The following ASIC2 variants were observed in gnomAD, a reference collection of about 807,000 sequenced individuals.
The protein encoded by ASIC2 is acid sensing ion channel subunit 2, also known as acid-sensing ion channel 2.
In ASIC2, 25 loss-of-function variants were observed where a neutral mutation model predicts 57.3. That is an observed-to-expected ratio of 0.44 (90% CI 0.32 to 0.61). The LOEUF (loss-of-function observed/expected upper bound fraction) is 0.61. Among genes scored for constraint, ASIC2 ranks in the 20% least tolerant of loss-of-function variants. The pLI is 0.06. For missense variants in ASIC2, 641 were observed against 738.1 expected, an observed-to-expected ratio of 0.87 and a Z score of 1.52; for synonymous variants, 319 against 307.5, an observed-to-expected ratio of 1.04 and a Z score of -0.39.
chr17:34,151,656 T>C (rs749615749), intron 1 of ASIC2, among the ~76,000 whole-genome samples: 6 of 151,892 alleles, frequency 4.0e-5, no homozygotes, highest in Non-Finnish European at 5.9e-5. Context: ...ATAATGAGAA[T>C]TGAGAATACC....
chr17:33,260,548 G>A lies in ASIC2; in HGVS notation c.708+30860C>T, dbSNP rs185407842. Among the ~76,000 whole-genome samples, 18 of 152,286 alleles carry A rather than the reference G, an allele frequency of 1.2e-4. No homozygotes were observed. In the East Asian group the frequency reaches 2.5e-3, roughly 21 times the overall value. Reference sequence around the variant, plus strand: ...ACCTCCAACGGCCACACTATGGATCGCTGCCGCCAGGGGGGCGGGGAATAC... The same window carrying A: ...ACCTCCAACGGCCACACTATGGATCACTGCCGCCAGGGGGGCGGGGAATAC... On this transcript the variant is annotated intron_variant, in intron 1 of 9. Transcript: ENST00000225823.
chr17:33,251,004 G>A (rs747590682), intron 1 of ASIC2, among the ~76,000 whole-genome samples: 92 of 152,168 alleles, frequency 6.0e-4, no homozygotes, highest in Non-Finnish European at 1.2e-3. Context: ...AATTCTTAAT[G>A]TTTTATGCCT....
chr17:33,477,650 C>A (rs568480704), intron 1 of ASIC2, among the ~76,000 whole-genome samples: 3 of 152,326 alleles, frequency 2.0e-5, no homozygotes, highest in African/African-American at 7.2e-5. Context: ...CTCCTAGACA[C>A]TGAGTGTCCA....
At chr17:33,852,066 A>G (rs1477075309) in intron 1 of ASIC2, among the ~76,000 whole-genome samples, 1 of 152,224 alleles carries the variant, frequency 6.6e-6, no homozygotes, top group African/African-American at 2.4e-5. Flanking sequence ...CTTGGACTGA[A>G]TAATCTTAGC....
rs144630714 is a variant in ASIC2 at position 33,816,039 on chromosome 17, A to G, written c.555+339939T>C. Among the ~76,000 whole-genome samples, 527 of 152,222 alleles carry G rather than the reference A, an allele frequency of 3.5e-3. 6 individuals are homozygous for G. Among genetic ancestry groups the G allele is most frequent in the African/African-American group, 0.011 (477 of 41,540 alleles). On this transcript the variant is annotated intron_variant, in intron 1 of 9. Transcript: ENST00000359872. ...ATTACATAGGGACACTTTGTTATAT[A>G]AGGAAGGGGGTTATTACATAGGGCT...
intron 1 of ASIC2, among the ~76,000 whole-genome samples, chr17:33,745,910 G>C (rs1268785214): frequency 6.6e-6 from 1 of 152,032 alleles, no homozygotes; most frequent in Non-Finnish European, 1.5e-5. Flanking sequence ...AAGTATAAAT[G>C]CACGTTTCTT....
At chr17:33,662,592 C>T (rs569977737) in intron 1 of ASIC2, among the ~76,000 whole-genome samples, 3 of 151,428 alleles carry the variant, frequency 2.0e-5, no homozygotes, top group Non-Finnish European at 2.9e-5. Context: ...CACTGTACTC[C>T]AGCCTGGGTG....
chr17:33,776,007 C>G (rs186631316), intron 1 of ASIC2, among the ~76,000 whole-genome samples: 5 of 151,970 alleles, frequency 3.3e-5, no homozygotes, highest in Non-Finnish European at 7.4e-5. Flanking sequence ...GTGGTGCACA[C>G]CTGTAGTTCC....
chr17:33,783,234 C>T (rs1911510495), intron 1 of ASIC2, among the ~76,000 whole-genome samples: 1 of 152,256 alleles, frequency 6.6e-6, no homozygotes, highest in African/African-American at 2.4e-5. Context: ...CACTAACCAT[C>T]TCCTTCACCG....
chr17:33,809,117 C>T (rs538645506), intron 1 of ASIC2, among the ~76,000 whole-genome samples: 3 of 152,276 alleles, frequency 2.0e-5, no homozygotes, highest in African/African-American at 7.2e-5. Context: ...AGACTTGGGA[C>T]TGAGAGCCTC....
chr17:34,062,481 C>A (rs565828051), intron 1 of ASIC2, among the ~76,000 whole-genome samples: 1 of 151,980 alleles, frequency 6.6e-6, no homozygotes, highest in Non-Finnish European at 1.5e-5. Flanking sequence ...GAAGAACAAA[C>A]CAAACCCAAA....
chr17:33,605,683 C>T (rs1201046652), intron 1 of ASIC2, among the ~76,000 whole-genome samples: 2 of 152,176 alleles, frequency 1.3e-5, no homozygotes, highest in African/African-American at 4.8e-5. Context: ...CTCTGATTTG[C>T]ATGTAGTAAA....
intron 1 of ASIC2, among the ~76,000 whole-genome samples, chr17:33,419,869 GA>G (rs934204573): frequency 1.3e-3 from 188 of 147,364 alleles, no homozygotes; most frequent in African/African-American, 4.2e-3. Context: ...ACATATTAAG[GA>G]AAAAAAAAAC....
At chr17:33,325,328 T>G (rs556947657) in intron 1 of ASIC2, among the ~76,000 whole-genome samples, 1 of 152,282 alleles carries the variant, frequency 6.6e-6, no homozygotes, top group East Asian at 1.9e-4. Context: ...AAGAGAAGGC[T>G]CTGCAGAGGA....
chr17:33,984,652 T>G (rs573142926), intron 1 of ASIC2, among the ~76,000 whole-genome samples: 239 of 152,322 alleles, frequency 1.6e-3, no homozygotes, highest in African/African-American at 5.7e-3. Flanking sequence ...GAACAGTGCC[T>G]TTGCACTGCA....
chr17:33,612,082 G>A (rs910720797), intron 1 of ASIC2, among the ~76,000 whole-genome samples: 1 of 152,192 alleles, frequency 6.6e-6, no homozygotes, highest in African/African-American at 2.4e-5. Flanking sequence ...GAAACAGAGA[G>A]AAGGAATTCT....
intron 1 of ASIC2, among the ~76,000 whole-genome samples, chr17:33,255,113 C>T (rs1284701152): frequency 7.0e-6 from 1 of 142,718 alleles, no homozygotes. Context: ...GATCTCGGCT[C>T]ACTGAAACCT....
At chr17:33,658,849 T>A (rs551221760) in intron 1 of ASIC2, among the ~76,000 whole-genome samples, 50 of 152,028 alleles carry the variant, frequency 3.3e-4, no homozygotes, top group African/African-American at 9.4e-4. Flanking sequence ...TATATTTTTT[T>A]AAAATTAGCC....
At chr17:33,898,439 T>C (rs1449236046) in intron 1 of ASIC2, among the ~76,000 whole-genome samples, 1 of 151,906 alleles carries the variant, frequency 6.6e-6, no homozygotes, top group Non-Finnish European at 1.5e-5. Flanking sequence ...GGTTTCACCA[T>C]GTTAGCCAGG....
Sources: allele counts gnomAD v4.1 joint callset (sites outside exome capture counted in the v4.1 genomes callset), GRCh38; gene constraint gnomAD v4.1.1; transcripts MANE v1.5; gene names NCBI Gene and HGNC (gene_info 2026-07-23, HGNC 2026-07-21).